The following CADPS2 variants were observed in gnomAD, a reference collection of about 807,000 sequenced individuals.
The protein encoded by CADPS2 is calcium-dependent secretion activator 2.
CADPS2 carries 93 observed loss-of-function variants against 172.5 expected under a neutral mutation model. The observed-to-expected ratio is 0.54, with a 90% confidence interval of 0.46 to 0.64. CADPS2 has a LOEUF of 0.64. Among genes scored for constraint, CADPS2 ranks in the 30% least tolerant of loss-of-function variants. The pLI is 0.00. For synonymous variants in CADPS2, 546 were observed against 555.2 expected (o/e 0.98, Z 0.23); for missense variants, 1,420 against 1,565.9 (o/e 0.91, Z 1.57).
intron 7 of CADPS2, among the ~76,000 whole-genome samples, chr7:122,568,113 T>G (rs1383159643): frequency 6.6e-6 from 1 of 151,856 alleles, no homozygotes; most frequent in Non-Finnish European, 1.5e-5. Flanking sequence ...AAAAGAAAGC[T>G]GGGGGCTGGG....
intron 28 of CADPS2, among the ~76,000 whole-genome samples, chr7:122,333,827 C>G (rs1157475801): frequency 6.6e-6 from 1 of 151,816 alleles, no homozygotes; most frequent in Non-Finnish European, 1.5e-5. Flanking sequence ...ATGTCTGGCA[C>G]AGAGCATGCA....
At chr7:122,341,207 T>C (rs769838760) in intron 28 of CADPS2, among the ~76,000 whole-genome samples, 13 of 152,340 alleles carry the variant, frequency 8.5e-5, no homozygotes, top group Non-Finnish European at 1.3e-4. Context: ...ATAGCTACTT[T>C]TGTAGATAGA....
intron 20 of CADPS2, chr7:122,395,507 A>G (rs914287034): frequency 1.3e-5 from 2 of 152,222 alleles, no homozygotes; most frequent in Non-Finnish European, 2.9e-5. Context: ...TGGAGATTCA[A>G]TCATCGAGCT....
At chr7:122,524,612 T>C (rs1218640871) in intron 8 of CADPS2, among the ~76,000 whole-genome samples, 1 of 152,108 alleles carries the variant, frequency 6.6e-6, no homozygotes, top group East Asian at 1.9e-4. Flanking sequence ...TGTGCAAAGG[T>C]AGGGGAGAAT....
At chr7:122,352,927 T>G (rs2038874608) in intron 27 of CADPS2, among the ~76,000 whole-genome samples, 1 of 152,164 alleles carries the variant, frequency 6.6e-6, no homozygotes, top group South Asian at 2.1e-4. Flanking sequence ...CGTTCTTAAG[T>G]AGTGAGCAGG....
At chr7:122,483,980 C>T (rs1047981813) in intron 11 of CADPS2, among the ~76,000 whole-genome samples, 1 of 152,108 alleles carries the variant, frequency 6.6e-6, no homozygotes, top group Non-Finnish European at 1.5e-5. Flanking sequence ...TGAAGTGATA[C>T]ATGGTATTCA....
intron 28 of CADPS2, among the ~76,000 whole-genome samples, chr7:122,336,774 C>G (rs1563093765): frequency 6.6e-6 from 1 of 152,166 alleles, no homozygotes; most frequent in Non-Finnish European, 1.5e-5. Flanking sequence ...TCATCAAAGA[C>G]AGTTTTACCA....
Position 122,569,037 on chromosome 7 carries a change from T to C in CADPS2, c.1335+12142A>G, listed in dbSNP as rs550956212. On this transcript the variant is annotated intron_variant, in intron 7 of 29. Coordinates refer to ENST00000449022, the MANE Select transcript of CADPS2 (RefSeq NM_017954.11). Reference sequence around the variant, plus strand: ...TGTTGGAAGTTCTGGCCAGGGCAATTAGGCAGGAGAAAGAAAGAAAGTGTA... The same window carrying C: ...TGTTGGAAGTTCTGGCCAGGGCAATCAGGCAGGAGAAAGAAAGAAAGTGTA... 9.9e-5 allele frequency among the ~76,000 whole-genome samples: 15 copies of C among 152,100 alleles called. No homozygotes were observed. The South Asian group carries it at 2.5e-3, about 25-fold the overall frequency.
At chr7:122,656,501 TGAA>T (rs1181435703) in intron 3 of CADPS2, among the ~76,000 whole-genome samples, 1 of 151,930 alleles carries the variant, frequency 6.6e-6, no homozygotes. Context: ...GGGAAGAGAA[TGAA>T]GAATATGGTA....
chr7:122,724,945 A>C (rs1490338323), intron 2 of CADPS2, among the ~76,000 whole-genome samples: 1 of 152,050 alleles, frequency 6.6e-6, no homozygotes, highest in Non-Finnish European at 1.5e-5. Context: ...TTATAATGAA[A>C]TAGTTATAAA....
chr7:122,503,834 T>A (rs139842821), intron 9 of CADPS2, among the ~76,000 whole-genome samples: 1 of 152,120 alleles, frequency 6.6e-6, no homozygotes, highest in Non-Finnish European at 1.5e-5. Flanking sequence ...AGCCATCTCA[T>A]AGAGTGAGAA....
chr7:122,579,019 T>A (rs2068439546), intron 7 of CADPS2, among the ~76,000 whole-genome samples: 1 of 152,068 alleles, frequency 6.6e-6, no homozygotes, highest in Admixed American at 6.6e-5. Flanking sequence ...ATAAGTTCTA[T>A]TACAAAAATA....
intron 1 of CADPS2, among the ~76,000 whole-genome samples, chr7:122,852,078 C>G (rs1305992307): frequency 6.6e-6 from 1 of 152,040 alleles, no homozygotes; most frequent in Non-Finnish European, 1.5e-5. Context: ...TTTACTGACT[C>G]AAAAATTTAA....
intron 6 of CADPS2, among the ~76,000 whole-genome samples, chr7:122,613,178 ATAAAT>A (rs1377015586): frequency 6.6e-6 from 1 of 152,146 alleles, no homozygotes; most frequent in South Asian, 2.1e-4. Flanking sequence ...AAAGAAAAAA[ATAAAT>A]TAAACTTCAT....
intron 4 of CADPS2, among the ~76,000 whole-genome samples, chr7:122,627,261 T>A (rs149428816): frequency 6.6e-6 from 1 of 152,344 alleles, no homozygotes; most frequent in East Asian, 1.9e-4. Context: ...TTTGTAGGAT[T>A]ATTGTCAGAA....
At chr7:122,712,450 A>G (rs184563163) in intron 2 of CADPS2, among the ~76,000 whole-genome samples, 14 of 152,306 alleles carry the variant, frequency 9.2e-5, no homozygotes, top group African/African-American at 3.4e-4. Context: ...TACTATGTGC[A>G]TAGTACTTAA....
intron 3 of CADPS2, among the ~76,000 whole-genome samples, chr7:122,637,610 T>G (rs1458156423): frequency 1.3e-5 from 2 of 152,220 alleles, no homozygotes; most frequent in Non-Finnish European, 2.9e-5. Context: ...AACTTTTTCC[T>G]GGATCTTGAT....
chr7:122,321,010 T>A (rs1488565997), intron 29 of CADPS2, among the ~76,000 whole-genome samples: 2 of 152,246 alleles, frequency 1.3e-5, no homozygotes, highest in Admixed American at 6.5e-5. Context: ...CTTAAAAGAA[T>A]ACATTAAAAT....
At chr7:122,879,959 A>G (rs920161333) in intron 1 of CADPS2, among the ~76,000 whole-genome samples, 1 of 149,626 alleles carries the variant, frequency 6.7e-6, no homozygotes, top group Non-Finnish European at 1.5e-5. Flanking sequence ...AGTCATTTTA[A>G]TTAATAAACA....
Sources: allele counts gnomAD v4.1 joint callset (sites outside exome capture counted in the v4.1 genomes callset), GRCh38; gene constraint gnomAD v4.1.1; transcripts MANE v1.5; gene names NCBI Gene and HGNC (gene_info 2026-07-23, HGNC 2026-07-21).